The following PHLDB2 variants were observed in gnomAD, a reference collection of about 807,000 sequenced individuals.
PHLDB2 encodes pleckstrin homology-like domain family B member 2.
A neutral mutation model predicts 123.6 loss-of-function variants in PHLDB2; 71 were observed. The observed-to-expected ratio is 0.57, with a 90% confidence interval of 0.47 to 0.70. The LOEUF (loss-of-function observed/expected upper bound fraction) is 0.70, where lower values mean the gene tolerates loss of function less well. Among genes scored for constraint, PHLDB2 ranks in the 30% least tolerant of loss-of-function variants. The pLI, the probability that PHLDB2 is intolerant of heterozygous loss-of-function variation, is 0.00. For missense variants in PHLDB2, 1,446 were observed against 1,519.5 expected (o/e 0.95, Z 0.80); for synonymous variants, 547 against 541.6 (o/e 1.01, Z -0.14).
chr3:111,971,286 G>C (rs1440537860), intron 16 of PHLDB2, among the ~76,000 whole-genome samples: 1 of 152,062 alleles, frequency 6.6e-6, no homozygotes, highest in Non-Finnish European at 1.5e-5. Flanking sequence ...CTCTTCTTCT[G>C]TGCTCCTGTT....
rs541169463 is a variant in PHLDB2 at position 111,950,861 on chromosome 3, TG to T, written c.2632-1710del. Among the ~76,000 whole-genome samples, 3 of 152,338 alleles carry T rather than the reference TG, an allele frequency of 2.0e-5. No homozygotes were observed. The East Asian group carries it at 5.8e-4, about 29-fold the overall frequency. On this transcript the variant is annotated intron_variant, in intron 10 of 17. Coordinates refer to ENST00000431670, the MANE Select transcript of PHLDB2 (RefSeq NM_001134438.2). Reference sequence around the variant, plus strand: ...GGTGAAAGGTGGATGAAGTAAGTTATGTATACAAGGAAGAAACAAGGAGAAT... The same window carrying T: ...GGTGAAAGGTGGATGAAGTAAGTTATTATACAAGGAAGAAACAAGGAGAAT...
intron 1 of PHLDB2, among the ~76,000 whole-genome samples, chr3:111,782,421 C>G (rs1468466405): frequency 6.6e-6 from 1 of 152,076 alleles, no homozygotes; most frequent in African/African-American, 2.4e-5. Context: ...CCATGAGCCC[C>G]TCAAAATTAC....
At chr3:111,774,808 C>G (rs541281693) in intron 1 of PHLDB2, among the ~76,000 whole-genome samples, 35 of 152,218 alleles carry the variant, frequency 2.3e-4, no homozygotes, top group Admixed American at 1.0e-3. Flanking sequence ...TGATCCAGCT[C>G]TTTTGTCAAC....
intron 6 of PHLDB2, among the ~76,000 whole-genome samples, chr3:111,939,135 A>G (rs1483689647): frequency 6.6e-6 from 1 of 152,156 alleles, no homozygotes; most frequent in Non-Finnish European, 1.5e-5. Context: ...TTGTAACGCT[A>G]TGTTACACCT....
At chr3:111,938,603 C>T (rs1296752041) in intron 6 of PHLDB2, among the ~76,000 whole-genome samples, 1 of 151,796 alleles carries the variant, frequency 6.6e-6, no homozygotes, top group Non-Finnish European at 1.5e-5. Flanking sequence ...CAATTAAAAA[C>T]GAGTATGAAA....
At chr3:111,766,902 G>A (rs768653574) in intron 1 of PHLDB2, among the ~76,000 whole-genome samples, 15 of 151,896 alleles carry the variant, frequency 9.9e-5, no homozygotes, top group African/African-American at 3.1e-4. Context: ...GTGGTGGCAC[G>A]TGCCTGTAAT....
chr3:111,756,352 T>C (rs1426201257), intron 1 of PHLDB2, among the ~76,000 whole-genome samples: 2 of 152,160 alleles, frequency 1.3e-5, no homozygotes, highest in African/African-American at 4.8e-5. Flanking sequence ...ATTGGGTGCA[T>C]ATATATTTAG....
intron 1 of PHLDB2, among the ~76,000 whole-genome samples, chr3:111,761,329 G>T (rs75251475): frequency 6.6e-6 from 1 of 152,182 alleles, no homozygotes; most frequent in East Asian, 1.9e-4. Context: ...CATCCACAAT[G>T]GGAAATGAGC....
intron 1 of PHLDB2, among the ~76,000 whole-genome samples, chr3:111,866,013 C>CTTTTTTTTTTTTTTTTTTTT (rs1239058039): frequency 6.3e-5 from 3 of 47,668 alleles, no homozygotes; most frequent in Non-Finnish European, 1.3e-4. Context: ...CCCACCCACT[C>CTTTTTTTTTTTTTTTTTTTT]ATTTTTTTTT....
Position 111,962,254 on chromosome 3 carries a change from G to C in PHLDB2, c.3019G>C (p.Asp1007His). 1 of 1,581,420 alleles carries C rather than the reference G, an allele frequency of 6.3e-7. No homozygotes were observed. Among genetic ancestry groups the C allele is most frequent in the Non-Finnish European group, 8.5e-7 (1 of 1,171,510 alleles). ...CCAGGCCTTTGATACTCTGAGCCTC[G>C]ATAGCTCTGATAGCATGGAGACCAG... ...KDQAFDTLSL[D>H]SSDSMETSIS... is the part of the protein sequence containing the mutation. The change falls in exon 13 of 18, where the codon GAT becomes CAT. Residue 1007 changes from aspartate to histidine, a missense_variant. Around this residue, in one of 3 missense-constraint regions of PHLDB2, gnomAD observed 594 missense variants for 646.0 expected, o/e 0.92. Coordinates refer to ENST00000431670, the MANE Select transcript of PHLDB2 (RefSeq NM_001134438.2).
intron 13 of PHLDB2, among the ~76,000 whole-genome samples, chr3:111,962,870 A>C (rs2071493441): frequency 6.6e-6 from 1 of 150,548 alleles, no homozygotes; most frequent in Admixed American, 6.7e-5. Flanking sequence ...CGGAGGTTAC[A>C]GTGAGCCAAA....
intron 2 of PHLDB2, among the ~76,000 whole-genome samples, chr3:111,894,551 T>C (rs923319743): frequency 2.0e-5 from 3 of 151,878 alleles, no homozygotes; most frequent in Non-Finnish European, 4.4e-5. Context: ...TTCCTATTTC[T>C]CCACATCCTC....
intron 1 of PHLDB2, among the ~76,000 whole-genome samples, chr3:111,780,213 T>C (rs541077995): frequency 1.3e-5 from 2 of 148,558 alleles, no homozygotes; most frequent in South Asian, 4.2e-4. Flanking sequence ...GAAGCTGTTA[T>C]TGCAGGAGGG....
At chr3:111,900,098 T>C (rs2067104396) in intron 2 of PHLDB2, among the ~76,000 whole-genome samples, 1 of 152,228 alleles carries the variant, frequency 6.6e-6, no homozygotes, top group Non-Finnish European at 1.5e-5. Flanking sequence ...TTCACCTCAT[T>C]TAGCCTTCAT....
chr3:111,944,217 C>A (rs1421305542), intron 8 of PHLDB2, among the ~76,000 whole-genome samples: 1 of 152,114 alleles, frequency 6.6e-6, no homozygotes, highest in Admixed American at 6.5e-5. Flanking sequence ...GAAATCAGAA[C>A]AATGCTTGCT....
intron 2 of PHLDB2, among the ~76,000 whole-genome samples, chr3:111,898,838 A>C (rs2067028882): frequency 6.6e-6 from 1 of 152,154 alleles, no homozygotes; most frequent in African/African-American, 2.4e-5. Context: ...TTCCACATTT[A>C]GTTATAGTTC....
chr3:111,947,417 C>G (rs2070388812), intron 9 of PHLDB2, among the ~76,000 whole-genome samples: 3 of 152,160 alleles, frequency 2.0e-5, no homozygotes, highest in Admixed American at 1.3e-4. Flanking sequence ...ACAAAGCAGA[C>G]TTGACTCACA....
chr3:111,752,526 A>G (rs1158849984), intron 1 of PHLDB2, among the ~76,000 whole-genome samples: 1 of 151,998 alleles, frequency 6.6e-6, no homozygotes, highest in Non-Finnish European at 1.5e-5. Flanking sequence ...TAACAAAAAT[A>G]TTCCAAATGC....
chr3:111,882,479 G>A (rs1482224764), intron 1 of PHLDB2, among the ~76,000 whole-genome samples: 1 of 152,186 alleles, frequency 6.6e-6, no homozygotes, highest in Non-Finnish European at 1.5e-5. Context: ...GCACTGTCCT[G>A]GAGGAAATGA....
Sources: gnomAD v4.1 joint callset for allele counts (sites outside exome capture counted in the v4.1 genomes callset) on GRCh38, gnomAD v4.1.1 for gene constraint, gnomAD v4.1.1 regional missense constraint, MANE v1.5 for transcripts, NCBI Gene and HGNC (gene_info 2026-07-23, HGNC 2026-07-21) for gene names.